The following RARS2 variants were observed in gnomAD, a reference collection of about 807,000 sequenced individuals.
RARS2 encodes arginyl-tRNA synthetase 2, mitochondrial, also known as probable arginine--tRNA ligase, mitochondrial.
A neutral mutation model predicts 88.5 loss-of-function variants in RARS2; 67 were observed. That is an observed-to-expected ratio of 0.76 (90% CI 0.62 to 0.93). RARS2 has a LOEUF of 0.93. Among genes scored for constraint, RARS2 ranks in the 40% least tolerant of loss-of-function variants. The pLI is 0.00. For missense variants in RARS2, 664 were observed against 684.2 expected (o/e 0.97, Z 0.33); for synonymous variants, 239 against 230.3 (o/e 1.04, Z -0.34).
At chr6:87,540,305 T>C (rs950438413) in intron 8 of RARS2, among the ~76,000 whole-genome samples, 3 of 150,362 alleles carry the variant, frequency 2.0e-5, no homozygotes, top group African/African-American at 7.4e-5. Context: ...AAAAAAAAAA[T>C]AGCTGGGTGT....
chr6:87,587,961 T>C (rs756161402), intron 1 of RARS2, among the ~76,000 whole-genome samples: 15 of 152,186 alleles, frequency 9.9e-5, no homozygotes, highest in Non-Finnish European at 1.6e-4. Context: ...TTTATAGAGA[T>C]GGGGGTCTCC....
At chr6:87,528,008 G>A (rs560643063) in intron 10 of RARS2, among the ~76,000 whole-genome samples, 2 of 150,922 alleles carry the variant, frequency 1.3e-5, no homozygotes, top group East Asian at 3.9e-4. Flanking sequence ...AATCACCATG[G>A]CACACATTAA....
chr6:87,540,691 A>G (rs945670361), intron 8 of RARS2, among the ~76,000 whole-genome samples: 8 of 152,200 alleles, frequency 5.3e-5, no homozygotes, highest in Admixed American at 4.6e-4. Context: ...TGTGAGGCCC[A>G]GAAACGGCAG....
chr6:87,574,508 C>T (rs1435668369), intron 1 of RARS2, among the ~76,000 whole-genome samples: 1 of 152,060 alleles, frequency 6.6e-6, no homozygotes. Flanking sequence ...AGCTGTCAAG[C>T]ATGAGCAAGA....
In RARS2 at chr6:87,520,199, C is replaced by T. The variant is rs1478670202; in HGVS notation, c.1093G>A (p.Gly365Arg). ...QQVFQMLKIM[G>R]YDWAERCQHV... Reference sequence around the variant, plus strand: ...CATTACCTTTCTGCCCAGTCATATCCCATGATCTTCAGCATTTGGAATACT... The same window carrying T: ...CATTACCTTTCTGCCCAGTCATATCTCATGATCTTCAGCATTTGGAATACT... Residue 365 changes from glycine (G) to arginine (R), a missense_variant, in exon 13 of 20, where the codon GGA becomes AGA. Coordinates refer to ENST00000369536, the MANE Select transcript of RARS2 (RefSeq NM_020320.5). 6.2e-7 allele frequency: 1 copy of T among 1,613,472 alleles called. No individual in the cohort carries two copies. Among genetic ancestry groups the T allele is most frequent in the South Asian group, 1.1e-5 (1 of 91,050 alleles).
intron 10 of RARS2, 44 bp from the exon 11 acceptor site, chr6:87,524,696 A>T (rs766973139): frequency 7.1e-7 from 1 of 1,403,872 alleles, no homozygotes; most frequent in Non-Finnish European, 1.0e-6. Context: ...TAATAAATTC[A>T]GACCTTTAAA....
At chr6:87,526,474 C>A (rs1775752505) in intron 10 of RARS2, among the ~76,000 whole-genome samples, 1 of 151,498 alleles carries the variant, frequency 6.6e-6, no homozygotes, top group South Asian at 2.1e-4. Flanking sequence ...CAAGAAAGCA[C>A]CAATGCACTA....
At chr6:87,578,466 T>A (rs1463771062) in intron 1 of RARS2, among the ~76,000 whole-genome samples, 1 of 152,080 alleles carries the variant, frequency 6.6e-6, no homozygotes, top group East Asian at 1.9e-4. Flanking sequence ...AGGCATTATT[T>A]TGCAAAAATG....
chr6:87,524,782 G>A (rs1775121485), intron 10 of RARS2, 130 bp from the exon 11 acceptor site: 3 of 692,886 alleles, frequency 4.3e-6, no homozygotes, highest in Admixed American at 2.2e-5. Flanking sequence ...GCCAATTCAA[G>A]CTTTAATCAA....
intron 1 of RARS2, among the ~76,000 whole-genome samples, chr6:87,582,515 T>C (rs1773917900): frequency 6.6e-6 from 1 of 152,256 alleles, no homozygotes; most frequent in Non-Finnish European, 1.5e-5. Flanking sequence ...GAAAATTCTA[T>C]GCTACTCTGT....
chr6:87,549,832 A>G (rs941226228), intron 5 of RARS2, among the ~76,000 whole-genome samples: 1 of 152,222 alleles, frequency 6.6e-6, no homozygotes, highest in Admixed American at 6.5e-5. Context: ...AGAGATGATG[A>G]AGCAAATATG....
chr6:87,543,007 A>G (rs1781492703), intron 7 of RARS2, among the ~76,000 whole-genome samples: 1 of 152,250 alleles, frequency 6.6e-6, no homozygotes, highest in Non-Finnish European at 1.5e-5. Flanking sequence ...TATTACTTTA[A>G]AAACCAATTT....
At chr6:87,526,340 A>G (rs529293568) in intron 10 of RARS2, among the ~76,000 whole-genome samples, 25 of 152,214 alleles carry the variant, frequency 1.6e-4, no homozygotes, top group African/African-American at 5.3e-4. Context: ...ACATGGTGAA[A>G]CTCCATCTCT....
chr6:87,545,479 A>G (rs1736754857), intron 7 of RARS2, 137 bp downstream of exon 7: 2 of 1,080,828 alleles, frequency 1.9e-6, no homozygotes, highest in Non-Finnish European at 1.3e-6. Context: ...CAAAAGAGCC[A>G]TTAGGGAAAA....
intron 11 of RARS2, among the ~76,000 whole-genome samples, chr6:87,523,248 G>T (rs149150461): frequency 6.6e-6 from 1 of 152,140 alleles, no homozygotes; most frequent in African/African-American, 2.4e-5. Flanking sequence ...GCCAGAAGAC[G>T]TGCTAGGTCA....
chr6:87,524,347 G>A (rs1774963459), intron 11 of RARS2, among the ~76,000 whole-genome samples: 1 of 152,132 alleles, frequency 6.6e-6, no homozygotes, highest in Non-Finnish European at 1.5e-5. Flanking sequence ...GGAAACCCCT[G>A]AGCTAATATG....
At chr6:87,554,271 T>C (rs560091981) in intron 5 of RARS2, among the ~76,000 whole-genome samples, 1 of 152,296 alleles carries the variant, frequency 6.6e-6, no homozygotes, top group East Asian at 1.9e-4. Context: ...GTATTAGTTC[T>C]TAGTGTTCCC....
intron 4 of RARS2, 28 bp from the exon 5 acceptor site, chr6:87,555,533 G>A: frequency 1.3e-6 from 2 of 1,507,902 alleles, no homozygotes; most frequent in Non-Finnish European, 1.8e-6. Context: ...GTAATTTAAT[G>A]AACAAAAATT....
intron 1 of RARS2, among the ~76,000 whole-genome samples, chr6:87,574,019 A>C (rs1770639234): frequency 6.6e-6 from 1 of 152,268 alleles, no homozygotes; most frequent in African/African-American, 2.4e-5. Context: ...CCAAATCTGG[A>C]GAAAAACAAA....
Sources: allele counts gnomAD v4.1 joint callset (sites outside exome capture counted in the v4.1 genomes callset), GRCh38; gene constraint gnomAD v4.1.1; transcripts MANE v1.5; gene names NCBI Gene and HGNC (gene_info 2026-07-23, HGNC 2026-07-21).